Variants in DDAH1 observed in about 807,000 individuals in gnomAD.
DDAH1 encodes N(G),N(G)-dimethylarginine dimethylaminohydrolase 1.
In DDAH1, 19 loss-of-function variants were observed where a neutral mutation model predicts 28.8. The ratio of observed to expected loss-of-function variants is 0.66; its 90% CI spans 0.46 to 0.97. The LOEUF is 0.97. Among genes scored for constraint, DDAH1 ranks in the 50% least tolerant of loss-of-function variants. DDAH1 has a pLI of 0.00. For missense variants in DDAH1, 326 were observed against 375.9 expected (o/e 0.87, Z 1.10); for synonymous variants, 153 against 154.4 (o/e 0.99, Z 0.07).
chr1:85,394,172 G>A (rs1651695156), intron 1 of DDAH1, among the ~76,000 whole-genome samples: 1 of 152,238 alleles, frequency 6.6e-6, no homozygotes. Context: ...GGGAGGTAAA[G>A]TCTTTAAGAG....
intron 1 of DDAH1, among the ~76,000 whole-genome samples, chr1:85,554,276 G>GTTTTTTT (rs368410411): frequency 4.3e-4 from 48 of 110,700 alleles, no homozygotes; most frequent in African/African-American, 8.0e-4. Context: ...AATTGTAAGA[G>GTTTTTTT]TTTTTTTTTT....
In DDAH1 at chr1:85,362,856, A is replaced by AT. The variant is rs574662485; in HGVS notation, c.304-4010dup. Among the ~76,000 whole-genome samples, 3 of 152,336 alleles carry AT rather than the reference A, an allele frequency of 2.0e-5. No individual in the cohort carries two copies. In the South Asian group the frequency reaches 6.2e-4, roughly 32 times the overall value. Reference sequence around the variant, plus strand: ...GCTACCTTTCAAAAACAAGTAAAAGATAAAAAATACAATTTTCTGTATTAA... The same window carrying AT: ...GCTACCTTTCAAAAACAAGTAAAAGATTAAAAAATACAATTTTCTGTATTAA... On this transcript the variant is annotated intron_variant, in intron 1 of 5. Transcript: ENST00000284031.
intron 4 of DDAH1, among the ~76,000 whole-genome samples, chr1:85,349,629 T>C (rs1054220031): frequency 1.3e-5 from 2 of 152,228 alleles, no homozygotes; most frequent in African/African-American, 4.8e-5. Flanking sequence ...ACCACCTCTC[T>C]CATTCATTTA....
At position 85,447,341 on chromosome 1, in the gene DDAH1, G is replaced by A. The variant is rs191683526; in HGVS notation, c.303+17402C>T. On this transcript the variant is annotated intron_variant, in intron 1 of 5. Coordinates refer to ENST00000284031, the MANE Select transcript of DDAH1 (RefSeq NM_012137.4). ...GAGGCTCTCCATTTAAACATTTTAA[G>A]TTGAGAAACTGGAAATCTGAGTCAG... Among the ~76,000 whole-genome samples, 38 of 152,284 alleles carry A rather than the reference G, an allele frequency of 2.5e-4. 1 individual carries two copies. In the East Asian group the frequency reaches 7.4e-3, roughly 29 times the overall value.
chr1:85,332,180 C>T (rs1647817292), intron 4 of DDAH1, among the ~76,000 whole-genome samples: 1 of 152,212 alleles, frequency 6.6e-6, no homozygotes, highest in African/African-American at 2.4e-5. Context: ...CATTTCCCAC[C>T]AGACTGCATT....
intron 1 of DDAH1, among the ~76,000 whole-genome samples, chr1:85,440,355 G>T (rs1387215117): frequency 6.6e-6 from 1 of 152,094 alleles, no homozygotes; most frequent in Non-Finnish European, 1.5e-5. Flanking sequence ...ACACCTCCAT[G>T]CTCTTTTGCT....
chr1:85,400,193 T>C (rs868326357), intron 1 of DDAH1, among the ~76,000 whole-genome samples: 15,520 of 107,552 alleles, frequency 0.14, 1,360 homozygotes, highest in African/African-American at 0.25. Context: ...TTTTTTTTTT[T>C]TTTTTTTTTT....
At chr1:85,500,940 A>AT (rs1268526890) in intron 1 of DDAH1, among the ~76,000 whole-genome samples, 5 of 149,210 alleles carry the variant, frequency 3.4e-5, no homozygotes, top group African/African-American at 1.2e-4. Context: ...TATACTTTCC[A>AT]TTTTTCTAGT....
intron 1 of DDAH1, among the ~76,000 whole-genome samples, chr1:85,501,027 G>A (rs1570614231): frequency 6.6e-6 from 1 of 151,512 alleles, no homozygotes; most frequent in East Asian, 1.9e-4. Context: ...TAAAGCCTTT[G>A]CTTGCTAATT....
chr1:85,464,660 G>A lies in DDAH1; in HGVS notation c.303+83C>T, dbSNP rs936495061. ...AACTACTAGCCCGAGGGCCAATGGC[G>A]CGACTCCCCAGGCAACACGGCGGCC... On this transcript the variant is annotated intron_variant, in intron 1 of 5. Transcript: ENST00000284031. This position sits in a 1 kb window ranked among gnomAD's most constrained non-coding sequence, Gnocchi z 4.4. 2.5e-4 allele frequency: 359 copies of A among 1,462,884 alleles called. No individual in the cohort carries two copies. Among genetic ancestry groups the A allele is most frequent in the Non-Finnish European group, 3.1e-4 (348 of 1,109,650 alleles). The allele number at this position is 1,462,884 out of a possible 1,614,324, so 90.6% of individuals were successfully genotyped here.
chr1:85,372,364 A>G (rs1650428047), intron 1 of DDAH1, among the ~76,000 whole-genome samples: 1 of 152,124 alleles, frequency 6.6e-6, no homozygotes, highest in Non-Finnish European at 1.5e-5. Flanking sequence ...GTGTTCTAAC[A>G]TTGTGTTAAA....
intron 1 of DDAH1, among the ~76,000 whole-genome samples, chr1:85,456,937 T>C (rs1457758311): frequency 6.6e-6 from 1 of 152,202 alleles, no homozygotes; most frequent in African/African-American, 2.4e-5. Flanking sequence ...AAGTAGACTT[T>C]AGTCAACTCC....
rs544095894 is a variant in DDAH1 at position 85,328,591 on chromosome 1, G to A, written c.598-3708C>T. 5.9e-5 allele frequency among the ~76,000 whole-genome samples: 9 copies of A among 152,266 alleles called. No individual in the cohort carries two copies. The East Asian group carries it at 7.7e-4, about 13-fold the overall frequency. On this transcript the variant is annotated intron_variant, in intron 4 of 5. Transcript: ENST00000284031. ...CTCATGTTTGCAGTCAGAACTGGAC[G>A]GTCATCCTGTCACATGAATTGGACC...
intron 1 of DDAH1, among the ~76,000 whole-genome samples, chr1:85,378,673 T>C (rs1031214893): frequency 1.3e-5 from 2 of 152,218 alleles, no homozygotes; most frequent in Non-Finnish European, 2.9e-5. Flanking sequence ...CCTCCCAATG[T>C]GCTGGGATTA....
rs1649624144 is a variant in DDAH1 at position 85,358,742 on chromosome 1, C to T, written c.403+6G>A. 1 of 1,569,160 alleles carries T rather than the reference C, an allele frequency of 6.4e-7. No homozygotes were observed. Among genetic ancestry groups the T allele is most frequent in the African/African-American group, 1.4e-5 (1 of 73,594 alleles). On this transcript the variant is annotated splice_donor_region_variant and intron_variant, in intron 2 of 5. Coordinates refer to ENST00000284031, the MANE Select transcript of DDAH1 (RefSeq NM_012137.4). ...TCTTGGATAGAAAAAATAAATACAACTATACCTGTGAATAAAACATCTCCG... is the reference window on the plus strand; with the variant it reads ...TCTTGGATAGAAAAAATAAATACAATTATACCTGTGAATAAAACATCTCCG...
At chr1:85,471,044 T>C (rs1655600758) in intron 2 of DDAH1, among the ~76,000 whole-genome samples, 1 of 152,098 alleles carries the variant, frequency 6.6e-6, no homozygotes, top group Non-Finnish European at 1.5e-5. Flanking sequence ...CTGATCTTCA[T>C]GGACTTCATC....
intron 1 of DDAH1, among the ~76,000 whole-genome samples, chr1:85,508,811 G>A (rs145297681): frequency 0.012 from 1,860 of 152,298 alleles, 51 homozygotes; most frequent in African/African-American, 0.043. Context: ...TAAACAAAGC[G>A]GCCAAGAAGC....
chr1:85,358,804 A>G lies in DDAH1; in HGVS notation c.347T>C (p.Ile116Thr). The G allele has an allele frequency of 1.2e-6, 2 of 1,613,120 alleles. No homozygotes were observed. Among genetic ancestry groups the G allele is most frequent in the Non-Finnish European group, 1.7e-6 (2 of 1,179,502 alleles). ...KEALEKLQLN[I>T]VEMKDENATL... ...TGCATTTTCATCTTTCATCTCTACT[A>G]TATTGAGCTGAAGTTTTTCTAATGC... Residue 116 changes from isoleucine (I) to threonine (T), a missense_variant, in exon 2 of 6, where the codon ATA (isoleucine) becomes ACA (threonine). Transcript: ENST00000284031.
At chr1:85,465,478 C>T (rs1346047323), upstream of DDAH1, among the ~76,000 whole-genome samples, 1 of 152,190 alleles carries the variant, frequency 6.6e-6, no homozygotes, top group African/African-American at 2.4e-5. Context: ...CTTGGAGAGC[C>T]GGCCTCGGTC....
Sources: allele counts gnomAD v4.1 joint callset (sites outside exome capture counted in the v4.1 genomes callset), GRCh38; gene constraint gnomAD v4.1.1; non-coding constraint Gnocchi (gnomAD v3.1); transcripts MANE v1.5; gene names NCBI Gene and HGNC (gene_info 2026-07-23, HGNC 2026-07-21).